The following SLC1A2 variants were observed in gnomAD, a reference collection of about 807,000 sequenced individuals.
SLC1A2 encodes excitatory amino acid transporter 2.
In SLC1A2, 15 loss-of-function variants were observed where a neutral mutation model predicts 48.8. The observed-to-expected ratio is 0.31, with a 90% confidence interval of 0.21 to 0.47. SLC1A2 has a LOEUF of 0.47. Ranked by LOEUF, SLC1A2 falls within the 20% of genes least tolerant of loss-of-function variation. The pLI, the probability that SLC1A2 is intolerant of heterozygous loss-of-function variation, is 0.99. For missense variants in SLC1A2, 502 were observed against 730.5 expected (o/e 0.69, Z 3.61); for synonymous variants, 279 against 272.6 (o/e 1.02, Z -0.23).
At chr11:35,405,060 C>CTCGCACTGTGAGGAT (rs1224872721) in intron 1 of SLC1A2, among the ~76,000 whole-genome samples, 7 of 152,062 alleles carry the variant, frequency 4.6e-5, no homozygotes, top group Non-Finnish European at 8.8e-5. Flanking sequence ...AATCACAGGA[C>CTCGCACTGTGAGGAT]TCGCACTGTG....
intron 1 of SLC1A2, among the ~76,000 whole-genome samples, chr11:35,351,311 C>T (rs1193346983): frequency 6.6e-6 from 1 of 152,234 alleles, no homozygotes; most frequent in Non-Finnish European, 1.5e-5. Flanking sequence ...GAACTTCCCA[C>T]TCCTTCTCTG....
intron 9 of SLC1A2, among the ~76,000 whole-genome samples, chr11:35,270,585 G>C (rs766428552): frequency 6.6e-6 from 1 of 152,138 alleles, no homozygotes; most frequent in Non-Finnish European, 1.5e-5. Flanking sequence ...AAGAACCCAC[G>C]TACTGTTTAT....
At position 35,265,511 on chromosome 11, in the gene SLC1A2, T is replaced by C. The variant is rs772490125; in HGVS notation, c.1653+16A>G. On this transcript the variant is annotated intron_variant, in intron 10 of 10. Coordinates refer to ENST00000278379, the MANE Select transcript of SLC1A2 (RefSeq NM_004171.4). ...TACTATATACAAGTCTCGATATCCATGAATGGGAAATGTACCTTGCATTCA... is the reference window on the plus strand; with the variant it reads ...TACTATATACAAGTCTCGATATCCACGAATGGGAAATGTACCTTGCATTCA... 2.2e-5 allele frequency: 30 copies of C among 1,349,770 alleles called. No individual in the cohort carries two copies. The highest frequency in any genetic ancestry group is 2.9e-5 in the Non-Finnish European group (27 of 939,352). The allele number at this position is 1,349,770 out of a possible 1,614,324, so 83.6% of individuals were successfully genotyped here.
chr11:35,369,915 A>C (rs1264253800), intron 1 of SLC1A2, among the ~76,000 whole-genome samples: 1 of 152,230 alleles, frequency 6.6e-6, no homozygotes, highest in Non-Finnish European at 1.5e-5. Context: ...ATATAGGAAT[A>C]AAGTATCTGG....
Position 35,292,337 on chromosome 11 carries a change from A to G in SLC1A2, c.1041T>C (p.Phe347=), listed in dbSNP as rs1313085367. 2.5e-6 allele frequency: 4 copies of G among 1,613,856 alleles called. No individual in the cohort carries two copies. The highest frequency in any genetic ancestry group is 3.3e-5 in the Admixed American group (2 of 59,986). Residue 347 remains phenylalanine (F), a synonymous_variant, in exon 7 of 11, where the codon TTT becomes TTC. Transcript: ENST00000278379. ...TCCAAGCTTGGAAAATGCCAGCAAAAAAGGAGAAGGGGTTTTTCCTGGTCA... is the reference window on the plus strand; with the variant it reads ...TCCAAGCTTGGAAAATGCCAGCAAAGAAGGAGAAGGGGTTTTTCCTGGTCA... The part of the protein sequence containing the change: ...FVVTRKNPFS[F]FAGIFQAWIT...
chr11:35,349,282 A>C (rs1430867700), intron 1 of SLC1A2, among the ~76,000 whole-genome samples: 1 of 152,214 alleles, frequency 6.6e-6, no homozygotes, highest in Non-Finnish European at 1.5e-5. Flanking sequence ...AAGAATCAAA[A>C]ATACAAAGGG....
At chr11:35,336,886 G>T (rs1323065929) in intron 1 of SLC1A2, among the ~76,000 whole-genome samples, 1 of 151,410 alleles carries the variant, frequency 6.6e-6, no homozygotes, top group African/African-American at 2.5e-5. Flanking sequence ...CTGACCCTTG[G>T]CCTAGAACAG....
At position 35,251,412 on chromosome 11, in the gene SLC1A2, C is replaced by A. The variant is rs1351186749; in HGVS notation, c.*9482G>T. Reference sequence around the variant, plus strand: ...GACCTCAACTACCCAAAATGTGCTTCATCAACAAGGCATTTTCTAGTAGCA... The same window carrying A: ...GACCTCAACTACCCAAAATGTGCTTAATCAACAAGGCATTTTCTAGTAGCA... On this transcript the variant is annotated 3_prime_UTR_variant, in exon 11 of 11. Transcript: ENST00000278379. 6.6e-6 allele frequency: 1 copy of A among 152,590 alleles called. No homozygotes were observed. Among genetic ancestry groups the A allele is most frequent in the Admixed American group, 6.5e-5 (1 of 15,278 alleles). 9.5% of individuals were successfully genotyped at this position (152,590 alleles called of 1,614,324 possible).
intron 1 of SLC1A2, among the ~76,000 whole-genome samples, chr11:35,373,470 G>A (rs1198201867): frequency 6.6e-6 from 1 of 152,194 alleles, no homozygotes; most frequent in Non-Finnish European, 1.5e-5. Flanking sequence ...AGCTGGTCTA[G>A]GGAGGGGCTG....
At chr11:35,284,402 G>A (rs1850747168) in intron 8 of SLC1A2, among the ~76,000 whole-genome samples, 1 of 152,086 alleles carries the variant, frequency 6.6e-6, no homozygotes, top group Non-Finnish European at 1.5e-5. Context: ...CTAGACGGCT[G>A]TGTGTGATCT....
chr11:35,403,241 C>A (rs1339706062), intron 1 of SLC1A2, among the ~76,000 whole-genome samples: 1 of 152,200 alleles, frequency 6.6e-6, no homozygotes, highest in African/African-American at 2.4e-5. Flanking sequence ...CTCAGAGAGG[C>A]TAATTAACTT....
intron 10 of SLC1A2, 189 bp downstream of exon 10, chr11:35,265,338 T>C (rs1950463105): frequency 1.8e-6 from 1 of 569,554 alleles, no homozygotes; most frequent in Non-Finnish European, 3.1e-6. Context: ...CCATCAGACT[T>C]GTTGATTTCC....
At chr11:35,357,603 C>T (rs1853527003) in intron 1 of SLC1A2, among the ~76,000 whole-genome samples, 1 of 152,112 alleles carries the variant, frequency 6.6e-6, no homozygotes, top group African/African-American at 2.4e-5. Flanking sequence ...AGTCCAATTC[C>T]TGCAAAATAG....
intron 1 of SLC1A2, among the ~76,000 whole-genome samples, chr11:35,399,180 T>C (rs1855064399): frequency 6.6e-6 from 1 of 152,166 alleles, no homozygotes; most frequent in South Asian, 2.1e-4. Flanking sequence ...GACTTCCTAC[T>C]CTTCTTTCCT....
chr11:35,400,685 G>C lies in SLC1A2; in HGVS notation c.17+18265C>G, dbSNP rs536172559. Among the ~76,000 whole-genome samples the C allele has an allele frequency of 3.3e-5, 5 of 152,256 alleles. No individual in the cohort carries two copies. In the East Asian group the frequency reaches 9.6e-4, roughly 29 times the overall value. On this transcript the variant is annotated intron_variant, in intron 1 of 10. Coordinates refer to ENST00000278379, the MANE Select transcript of SLC1A2 (RefSeq NM_004171.4). ...AAAATCAATCCCATGAAAATTTCTA[G>C]AGGGATAACTTTTTTTTAAGTCTAA...
chr11:35,291,230 T>C (rs1850992184), intron 7 of SLC1A2, among the ~76,000 whole-genome samples: 1 of 152,144 alleles, frequency 6.6e-6, no homozygotes, highest in South Asian at 2.1e-4. Flanking sequence ...ACACTAGTCT[T>C]AAAAATTCTC....
At chr11:35,345,558 G>C (rs1423352205) in intron 1 of SLC1A2, among the ~76,000 whole-genome samples, 2 of 152,064 alleles carry the variant, frequency 1.3e-5, no homozygotes, top group African/African-American at 4.8e-5. Context: ...GGACTGGAGG[G>C]GGACCAGTGA....
At chr11:35,338,177 CT>C (rs1251864075) in intron 1 of SLC1A2, among the ~76,000 whole-genome samples, 2 of 151,626 alleles carry the variant, frequency 1.3e-5, no homozygotes, top group Non-Finnish European at 2.9e-5. Context: ...TATTGTTTAC[CT>C]ATTGTCTACG....
intron 1 of SLC1A2, among the ~76,000 whole-genome samples, chr11:35,371,701 C>T (rs1040974076): frequency 7.2e-6 from 1 of 139,732 alleles, no homozygotes; most frequent in South Asian, 2.3e-4. Flanking sequence ...AACAGGCTGA[C>T]TTCTTGCTAC....
Sources: allele counts gnomAD v4.1 joint callset (sites outside exome capture counted in the v4.1 genomes callset), GRCh38; gene constraint gnomAD v4.1.1; transcripts MANE v1.5; gene names NCBI Gene and HGNC (gene_info 2026-07-23, HGNC 2026-07-21).